NUGGC: variants seen among roughly 807,000 people sequenced by gnomAD.
NUGGC encodes nuclear GTPase, germinal center associated.
A neutral mutation model predicts 92.6 loss-of-function variants in NUGGC; 58 were observed. The ratio of observed to expected loss-of-function variants is 0.63; its 90% CI spans 0.51 to 0.78. The LOEUF (loss-of-function observed/expected upper bound fraction) is 0.78, where lower values mean the gene tolerates loss of function less well. Ranked by LOEUF, NUGGC falls within the 30% of genes least tolerant of loss-of-function variation. NUGGC has a pLI of 0.00. For synonymous variants in NUGGC, 376 were observed against 366.4 expected (o/e 1.03, Z -0.30); for missense variants, 925 against 964.6 (o/e 0.96, Z 0.54).
At chr8:28,036,466 C>T (rs1809557221) in intron 13 of NUGGC, among the ~76,000 whole-genome samples, 1 of 152,140 alleles carries the variant, frequency 6.6e-6, no homozygotes, top group South Asian at 2.1e-4. Flanking sequence ...CCTCCAGCCC[C>T]ACCTCTCTCC....
Position 28,060,564 on chromosome 8 carries a change from T to A in NUGGC, c.959A>T (p.Asp320Val). Residue 320 changes from aspartate (D) to valine (V), a missense_variant, in exon 8 of 19, where the codon GAC (aspartate) becomes GTC (valine). Physicochemically the swap from Asp to Val is radical, Grantham distance 152 (BLOSUM62 -3). Coordinates refer to ENST00000413272, the MANE Select transcript of NUGGC (RefSeq NM_001010906.2). ...DKCSVIWVIS[D>V]IERVSGGQAH... ...TTGCCCCCCAGAAACTCGCTCTATGTCGCTGATCACCCAGATCACTGAGCA... is the reference window on the plus strand; with the variant it reads ...TTGCCCCCCAGAAACTCGCTCTATGACGCTGATCACCCAGATCACTGAGCA... The A allele has an allele frequency of 6.2e-7, 1 of 1,613,466 alleles. No individual in the cohort carries two copies. The highest frequency in any genetic ancestry group is 8.5e-7 in the Non-Finnish European group (1 of 1,179,692).
intron 12 of NUGGC, among the ~76,000 whole-genome samples, chr8:28,045,170 G>A (rs764546309): frequency 2.6e-5 from 4 of 152,100 alleles, no homozygotes; most frequent in African/African-American, 4.8e-5. Context: ...ACATAAACAC[G>A]CCTCTCCAGG....
chr8:28,022,002 A>C lies in NUGGC; in HGVS notation c.*1315T>G, dbSNP rs1333304234. 6.6e-6 allele frequency: 1 copy of C among 152,316 alleles called. No individual in the cohort carries two copies. The highest frequency in any genetic ancestry group is 1.5e-5 in the Non-Finnish European group (1 of 68,162). The allele number at this position is 152,316 out of a possible 1,614,324, so 9.4% of individuals were successfully genotyped here. A position where few individuals can be genotyped will look rare whatever the true frequency, so the allele number is the denominator to read the frequency against. ...AGCTTTATTTTGCAATGTTTTCCAT[A>C]ATACTTAAGTTTTTCAACGTTTAGA... On this transcript the variant is annotated 3_prime_UTR_variant, in exon 19 of 19. Transcript: ENST00000413272.
At chr8:28,061,794 G>T (rs1317853343) in intron 7 of NUGGC, among the ~76,000 whole-genome samples, 2 of 152,058 alleles carry the variant, frequency 1.3e-5, no homozygotes, top group African/African-American at 2.4e-5. Flanking sequence ...ACCTTGGGGG[G>T]GTACTTGAAG....
At chr8:28,074,212 C>T (rs1585604134) in intron 2 of NUGGC, among the ~76,000 whole-genome samples, 156 bp downstream of exon 2, 2 of 151,998 alleles carry the variant, frequency 1.3e-5, no homozygotes, top group East Asian at 3.9e-4. Flanking sequence ...ATCTGATCTT[C>T]ATTCACTATT....
chr8:28,030,539 T>A, intron 15 of NUGGC, 121 bp from the exon 16 acceptor site: 1 of 661,942 alleles, frequency 1.5e-6, no homozygotes, highest in South Asian at 1.7e-5. Flanking sequence ...CAGTTGTTTG[T>A]CTGTCATCTC....
At chr8:28,073,544 G>A (rs78685578) in intron 2 of NUGGC, among the ~76,000 whole-genome samples, 1,720 of 152,176 alleles carry the variant, frequency 0.011, 30 homozygotes, top group African/African-American at 0.04. Context: ...GATATGATAC[G>A]CCACTGTTTT....
intron 7 of NUGGC, among the ~76,000 whole-genome samples, chr8:28,061,281 A>T (rs958985097): frequency 6.6e-6 from 1 of 152,248 alleles, no homozygotes; most frequent in African/African-American, 2.4e-5. Context: ...GACAAGTTGC[A>T]AAGGCCAATG....
chr8:28,029,151 G>A (rs564046332), intron 17 of NUGGC, 115 bp downstream of exon 17: 184 of 1,032,152 alleles, frequency 1.8e-4, no homozygotes, highest in Non-Finnish European at 2.4e-4. Context: ...GCCCCAGAAA[G>A]CATCTGTTCC....
intron 14 of NUGGC, 38 bp downstream of exon 14, chr8:28,033,502 T>G: frequency 6.3e-7 from 1 of 1,592,092 alleles, no homozygotes; most frequent in Non-Finnish European, 8.6e-7. Context: ...ATTCTTCCGA[T>G]GTTTGTTCCC....
At chr8:28,069,893 G>C (rs911351189) in intron 3 of NUGGC, among the ~76,000 whole-genome samples, 2 of 152,212 alleles carry the variant, frequency 1.3e-5, no homozygotes, top group African/African-American at 4.8e-5. Flanking sequence ...CAGAAGTTAT[G>C]GTATGCTTGG....
intron 12 of NUGGC, 132 bp from the exon 13 acceptor site, chr8:28,041,347 G>A (rs1297229931): frequency 3.5e-6 from 3 of 863,016 alleles, no homozygotes; most frequent in African/African-American, 1.7e-5. Flanking sequence ...TCTCTTTATT[G>A]TCCCCATAAG....
At chr8:28,040,989 G>T in intron 13 of NUGGC, 62 bp downstream of exon 13, 1 of 1,475,102 alleles carries the variant, frequency 6.8e-7, no homozygotes. Flanking sequence ...TGATGCAAAA[G>T]AAGCTTGGGG....
intron 1 of NUGGC, among the ~76,000 whole-genome samples, chr8:28,080,654 C>G (rs1299145303): frequency 6.6e-6 from 1 of 152,078 alleles, no homozygotes; most frequent in Non-Finnish European, 1.5e-5. Flanking sequence ...CTAGATAGAT[C>G]TATCTAGATC....
chr8:28,072,633 T>G (rs904656687), intron 2 of NUGGC, among the ~76,000 whole-genome samples: 4 of 152,142 alleles, frequency 2.6e-5, no homozygotes, highest in Non-Finnish European at 5.9e-5. Context: ...CTAAAGCAAA[T>G]GCTAGGAAGT....
chr8:28,030,453 A>G (rs1260490246), intron 15 of NUGGC, 35 bp from the exon 16 acceptor site: 1 of 1,131,548 alleles, frequency 8.8e-7, no homozygotes, highest in South Asian at 1.3e-5. Context: ...CGTTGGTGAC[A>G]ATTCCTTCAA....
At chr8:28,038,590 G>A (rs1006798573) in intron 13 of NUGGC, among the ~76,000 whole-genome samples, 6 of 152,208 alleles carry the variant, frequency 3.9e-5, no homozygotes, top group African/African-American at 7.2e-5. Context: ...TGTGGGATAC[G>A]AAGCCTCTTG....
chr8:28,027,921 T>C (rs944764755), intron 17 of NUGGC, among the ~76,000 whole-genome samples: 3 of 152,156 alleles, frequency 2.0e-5, no homozygotes, highest in African/African-American at 7.2e-5. Flanking sequence ...AAAATACTAT[T>C]CCATTCTTTA....
chr8:28,070,981 C>G (rs1022834640), intron 2 of NUGGC, among the ~76,000 whole-genome samples: 3 of 151,332 alleles, frequency 2.0e-5, no homozygotes, highest in Non-Finnish European at 4.4e-5. Flanking sequence ...CATACAAGAC[C>G]CTGTCTCAAA....
Sources: gnomAD v4.1 joint callset for allele counts (sites outside exome capture counted in the v4.1 genomes callset) on GRCh38, gnomAD v4.1.1 for gene constraint, MANE v1.5 for transcripts, NCBI Gene and HGNC (gene_info 2026-07-23, HGNC 2026-07-21) for gene names.